Variants in ZNF667 observed in about 807,000 individuals in gnomAD.
The protein encoded by ZNF667 is zinc finger protein 667.
Under a neutral mutation model 31.8 loss-of-function variants are expected in ZNF667, and 13 were observed. The observed-to-expected ratio is 0.41, with a 90% confidence interval of 0.27 to 0.65. The LOEUF is 0.65. Ranked by LOEUF, ZNF667 falls within the 30% of genes least tolerant of loss-of-function variation. The pLI is 0.32. For synonymous variants in ZNF667, 228 were observed against 247.1 expected (o/e 0.92, Z 0.73); for missense variants, 642 against 725.6 (o/e 0.88, Z 1.32).
intron 6 of ZNF667, among the ~76,000 whole-genome samples, chr19:56,449,900 G>A (rs1194390649): frequency 6.6e-6 from 1 of 151,086 alleles, no homozygotes; most frequent in Non-Finnish European, 1.5e-5. Flanking sequence ...AAGAAATAGT[G>A]AGCTTGAAGA....
intron 6 of ZNF667, among the ~76,000 whole-genome samples, chr19:56,450,835 G>A (rs938056105): frequency 9.2e-5 from 14 of 151,960 alleles, no homozygotes; most frequent in African/African-American, 2.7e-4. Flanking sequence ...TATTATTTAC[G>A]AGCCTCATGC....
intron 2 of ZNF667, chr19:56,472,518 C>G (rs948100600): frequency 3.3e-5 from 5 of 152,342 alleles, no homozygotes; most frequent in African/African-American, 1.2e-4. Context: ...CGGCCTCCCC[C>G]TTCCGGCTCC....
intron 3 of ZNF667, among the ~76,000 whole-genome samples, chr19:56,469,413 C>A (rs1205775865): frequency 1.3e-5 from 2 of 152,198 alleles, no homozygotes; most frequent in Non-Finnish European, 1.5e-5. Context: ...TTACCCTGGG[C>A]AAGCCACTGA....
intron 6 of ZNF667, among the ~76,000 whole-genome samples, chr19:56,450,216 G>A (rs931277667): frequency 6.6e-6 from 1 of 152,078 alleles, no homozygotes; most frequent in African/African-American, 2.4e-5. Context: ...GATCCTAAAA[G>A]CAGCAAGAGA....
chr19:56,462,003 C>A (rs549111872), intron 4 of ZNF667, among the ~76,000 whole-genome samples: 48 of 152,372 alleles, frequency 3.2e-4, no homozygotes, highest in African/African-American at 1.2e-3. Context: ...CATTCATCTC[C>A]ATGCTGAGAA....
At chr19:56,471,356 T>C (rs1339259982) in intron 3 of ZNF667, among the ~76,000 whole-genome samples, 2 of 152,220 alleles carry the variant, frequency 1.3e-5, no homozygotes, top group African/African-American at 4.8e-5. Context: ...GAGAACAGAC[T>C]AATACACACT....
Position 56,440,254 on chromosome 19 carries a change from A to C in ZNF667, c.*908T>G, listed in dbSNP as rs1023365701. The C allele has an allele frequency of 6.6e-6, 1 of 152,318 alleles. No homozygotes were observed. The highest frequency in any genetic ancestry group is 1.9e-4 in the East Asian group (1 of 5,186). 9.4% of individuals were successfully genotyped at this position (152,318 alleles called of 1,614,324 possible). A position where few individuals can be genotyped will look rare whatever the true frequency, so the allele number is the denominator to read the frequency against. On this transcript the variant is annotated 3_prime_UTR_variant, in exon 7 of 7. Coordinates refer to ENST00000504904, the MANE Select transcript of ZNF667 (RefSeq NM_001321356.2). ...GATTTCTCCTGGCTCTGAAATCCTC[A>C]TTCTTCACTATATCTTGGTTCTTTT...
At position 56,442,715 on chromosome 19, in the gene ZNF667, T is replaced by C. The variant is rs756919687; in HGVS notation, c.280A>G (p.Lys94Glu). The change falls in exon 7 of 7, where the codon AAG becomes GAG. Residue 94 changes from lysine to glutamate, a missense_variant. Lys to Glu is a moderately conservative substitution (Grantham distance 56, BLOSUM62 1). Coordinates refer to ENST00000504904, the MANE Select transcript of ZNF667 (RefSeq NM_001321356.2). ...TTGTTGCATTGATTTGGAGGTAACT[T>C]CTTGGTCTCACATTTAGACCCCGAG... is the stretch of plus-strand genomic sequence containing the variant. ...PDSGSKCETK[K>E]LPPNQCNKSG... The C allele has an allele frequency of 5.6e-6, 9 of 1,595,928 alleles. No homozygotes were observed. In the East Asian group the frequency reaches 1.8e-4, roughly 32 times the overall value.
chr19:56,470,823 G>A (rs1422616362), intron 3 of ZNF667, among the ~76,000 whole-genome samples: 2 of 152,218 alleles, frequency 1.3e-5, no homozygotes, highest in Non-Finnish European at 2.9e-5. Flanking sequence ...TGGGGACCAA[G>A]AGGCCTGCCC....
chr19:56,451,749 G>A, intron 6 of ZNF667, among the ~76,000 whole-genome samples: 1 of 151,576 alleles, frequency 6.6e-6, no homozygotes, highest in Admixed American at 6.6e-5. Context: ...CATGCCTGTA[G>A]TCCCAGCTAC....
intron 3 of ZNF667, chr19:56,469,883 AC>A: frequency 2.1e-6 from 1 of 471,764 alleles, no homozygotes; most frequent in Non-Finnish European, 4.3e-6. Context: ...AACTTTCTTT[AC>A]CAACACTTTT....
In ZNF667 at chr19:56,456,154, T is replaced by G. The variant is rs559793845; in HGVS notation, c.253+2001A>C. Reference sequence around the variant, plus strand: ...AGTTCTCAATAAATGCTGACTGCTATTAATTCATTTTACTAAATAAAGAGA... The same window carrying G: ...AGTTCTCAATAAATGCTGACTGCTAGTAATTCATTTTACTAAATAAAGAGA... On this transcript the variant is annotated intron_variant, in intron 6 of 6. Transcript: ENST00000504904. 3.9e-5 allele frequency among the ~76,000 whole-genome samples: 6 copies of G among 152,308 alleles called. No homozygotes were observed. In the South Asian group the frequency reaches 1.2e-3, roughly 32 times the overall value.
At chr19:56,476,458 A>C (rs1003315445) in intron 1 of ZNF667, among the ~76,000 whole-genome samples, 2 of 151,934 alleles carry the variant, frequency 1.3e-5, no homozygotes, top group Non-Finnish European at 2.9e-5. Flanking sequence ...GCCTCTGTAT[A>C]GGGTCAAAGA....
In ZNF667 at chr19:56,441,791, T is replaced by A. The variant is rs1453649380; in HGVS notation, c.1204A>T (p.Ile402Phe). 1.2e-6 allele frequency: 2 copies of A among 1,614,082 alleles called. No homozygotes were observed. The highest frequency in any genetic ancestry group is 2.2e-5 in the South Asian group (2 of 91,060). ...EKVCNRHSSL[I>F]QHQKVHTKKK... ...TTTGTATGAACTTTCTGATGTTGAA[T>A]AAGGGATGAATGCCGATTGCAGACC... Residue 402 changes from isoleucine (I) to phenylalanine (F), a missense_variant, in exon 7 of 7, where the codon ATT becomes TTT. Ile to Phe is a conservative substitution (Grantham distance 21). Transcript: ENST00000504904. This position sits in a 1 kb window ranked among gnomAD's most constrained non-coding sequence, Gnocchi z 4.2.
At chr19:56,444,093 A>C (rs2042673451) in intron 6 of ZNF667, 1 of 396,228 alleles carries the variant, frequency 2.5e-6, no homozygotes, top group Non-Finnish European at 4.5e-6. Context: ...TGTTGGATAT[A>C]TTAGGTTAAA....
chr19:56,441,933 T>G lies in ZNF667; in HGVS notation c.1062A>C (p.Ser354=), dbSNP rs2042613751. ...PLMLHQRIHT[S]EKPYKCDKCD... ...ATTTATCACATTTGTACGGTTTCTC[T>G]GAAGTGTGAATTCTCTGGTGAAGCA... The change falls in exon 7 of 7, where the codon TCA becomes TCC. Residue 354 remains serine (S), a synonymous_variant. Coordinates refer to ENST00000504904, the MANE Select transcript of ZNF667 (RefSeq NM_001321356.2). This position sits in a 1 kb window ranked among gnomAD's most constrained non-coding sequence, Gnocchi z 4.2. The G allele has an allele frequency of 1.2e-6, 2 of 1,614,198 alleles. No individual in the cohort carries two copies. Among genetic ancestry groups the G allele is most frequent in the East Asian group, 4.5e-5 (2 of 44,870 alleles).
chr19:56,450,341 A>T (rs902277168), intron 6 of ZNF667, among the ~76,000 whole-genome samples: 1 of 152,182 alleles, frequency 6.6e-6, no homozygotes, highest in Non-Finnish European at 1.5e-5. Flanking sequence ...GAAAACAAAA[A>T]CATTTATCCT....
chr19:56,475,708 G>C (rs937380397), intron 1 of ZNF667: 1 of 152,106 alleles, frequency 6.6e-6, no homozygotes, highest in African/African-American at 2.4e-5. Flanking sequence ...AACATTTCCA[G>C]ACCCATGTGT....
chr19:56,449,566 C>T, intron 6 of ZNF667: 1 of 244,350 alleles, frequency 4.1e-6, no homozygotes. Flanking sequence ...CCTGTAATCC[C>T]AGCCGCTCGG....
Sources: allele counts gnomAD v4.1 joint callset (sites outside exome capture counted in the v4.1 genomes callset), GRCh38; gene constraint gnomAD v4.1.1; non-coding constraint Gnocchi (gnomAD v3.1); transcripts MANE v1.5; gene names NCBI Gene and HGNC (gene_info 2026-07-23, HGNC 2026-07-21).